MTCL3: variants seen among roughly 807,000 people sequenced by gnomAD.
MTCL3 encodes the protein MTCL family member 3, also known as microtubule cross-linking factor 3.
chr6:127,480,982 T>C, the MTCL3 span, among the ~76,000 whole-genome samples: 11 of 152,168 alleles, frequency 7.2e-5, no homozygotes, highest in African/African-American at 2.7e-4. Context: ...AAAAAGGAAG[T>C]TTTTGTCCAT....
At chr6:127,476,149 T>G in the MTCL3 span, 1 of 1,614,136 alleles carries the variant, frequency 6.2e-7, no homozygotes, top group Non-Finnish European at 8.5e-7. The surrounding 1 kb of genome is among the most constrained non-coding windows in gnomAD (Gnocchi z 4.4). Context: ...GCCGTTGAAG[T>G]CATCGCCCCT....
chr6:127,515,253 C>G, the MTCL3 span, among the ~76,000 whole-genome samples: 1 of 152,146 alleles, frequency 6.6e-6, no homozygotes, highest in South Asian at 2.1e-4. This position sits in a 1 kb window ranked among gnomAD's most constrained non-coding sequence, Gnocchi z 4.3. Flanking sequence ...CTTACTCTAC[C>G]TCTCTCCAGG....
At chr6:127,484,448 T>A in the MTCL3 span, among the ~76,000 whole-genome samples, 1 of 152,136 alleles carries the variant, frequency 6.6e-6, no homozygotes, top group Non-Finnish European at 1.5e-5. Flanking sequence ...ATTTAGGAAG[T>A]AATCAACAAA....
the MTCL3 span, among the ~76,000 whole-genome samples, chr6:127,510,235 T>C: frequency 6.6e-6 from 1 of 152,228 alleles, no homozygotes; most frequent in Non-Finnish European, 1.5e-5. Flanking sequence ...TTTGGTTTTT[T>C]GTAACTCCAA....
At chr6:127,515,638 G>A in the MTCL3 span, 1 of 1,436,784 alleles carries the variant, frequency 7.0e-7, no homozygotes, top group Non-Finnish European at 9.1e-7. The surrounding 1 kb of genome is among the most constrained non-coding windows in gnomAD (Gnocchi z 4.3). Context: ...CCCGCCGCTC[G>A]CGCTGCCCTC....
At chr6:127,497,356 G>T in the MTCL3 span, among the ~76,000 whole-genome samples, 4 of 152,328 alleles carry the variant, frequency 2.6e-5, no homozygotes, top group Middle Eastern at 3.4e-3. Flanking sequence ...TAGGTGACTA[G>T]CTGTGCAATC....
At chr6:127,507,859 A>AAG in the MTCL3 span, among the ~76,000 whole-genome samples, 4 of 136,040 alleles carry the variant, frequency 2.9e-5, no homozygotes, top group Admixed American at 7.3e-5. Flanking sequence ...AAAAAAAAAA[A>AAG]AAAAAAAAAA....
chr6:127,475,332 C>G, the MTCL3 span: 22 of 1,612,284 alleles, frequency 1.4e-5, no homozygotes, highest in East Asian at 4.5e-4. This position sits in a 1 kb window ranked among gnomAD's most constrained non-coding sequence, Gnocchi z 7.3. Flanking sequence ...CGCGGTCGTC[C>G]GCAGACTTGG....
chr6:127,474,046 G>A, the MTCL3 span, among the ~76,000 whole-genome samples: 2 of 151,828 alleles, frequency 1.3e-5, no homozygotes, highest in African/African-American at 4.8e-5. Flanking sequence ...CTGAATTAGT[G>A]TTGCCTTCAA....
chr6:127,492,687 A>AT, the MTCL3 span, among the ~76,000 whole-genome samples: 1 of 151,704 alleles, frequency 6.6e-6, no homozygotes. Flanking sequence ...CACCCGGCTA[A>AT]TTTTTTGTAT....
At chr6:127,483,009 A>G in the MTCL3 span, 1 of 1,544,420 alleles carries the variant, frequency 6.5e-7, no homozygotes, top group Admixed American at 1.9e-5. Flanking sequence ...GAATATATTT[A>G]GTTGGATAAA....
the MTCL3 span, among the ~76,000 whole-genome samples, chr6:127,502,824 TA>T: frequency 8.4e-4 from 128 of 152,338 alleles, 2 homozygotes; most frequent in South Asian, 0.014. Context: ...TATTTTCCTT[TA>T]AAAGGTGATT....
chr6:127,490,130 A>G, the MTCL3 span, among the ~76,000 whole-genome samples: 7 of 152,316 alleles, frequency 4.6e-5, no homozygotes, highest in Non-Finnish European at 1.0e-4. Context: ...TGCTAAACCT[A>G]TTCTGCCTCT....
the MTCL3 span, among the ~76,000 whole-genome samples, chr6:127,516,879 C>T: frequency 2.8e-4 from 43 of 152,148 alleles, no homozygotes; most frequent in Non-Finnish European, 5.6e-4. Flanking sequence ...CCCAGGGTGG[C>T]GCTGTCTCCA....
At chr6:127,511,333 C>CT in the MTCL3 span, among the ~76,000 whole-genome samples, 1 of 152,086 alleles carries the variant, frequency 6.6e-6, no homozygotes, top group South Asian at 2.1e-4. Flanking sequence ...ACCTACTTTA[C>CT]TTTTTTTTCT....
chr6:127,503,825 A>C, the MTCL3 span, among the ~76,000 whole-genome samples: 3 of 152,288 alleles, frequency 2.0e-5, no homozygotes, highest in African/African-American at 7.2e-5. Context: ...TCATGTTTGC[A>C]CTGCACTAAG....
chr6:127,515,303 C>A, the MTCL3 span, among the ~76,000 whole-genome samples: 1 of 152,096 alleles, frequency 6.6e-6, no homozygotes, highest in Non-Finnish European at 1.5e-5. This position sits in a 1 kb window ranked among gnomAD's most constrained non-coding sequence, Gnocchi z 4.3. Flanking sequence ...GAAACGGAGG[C>A]CCAGATTTGA....
At chr6:127,473,009 G>C in the MTCL3 span, 2 of 766,352 alleles carry the variant, frequency 2.6e-6, no homozygotes, top group Non-Finnish European at 3.2e-6. Context: ...TTATCAAGAG[G>C]AGACAAACAG....
the MTCL3 span, among the ~76,000 whole-genome samples, chr6:127,488,232 G>T: frequency 3.9e-5 from 6 of 151,988 alleles, no homozygotes; most frequent in Admixed American, 3.9e-4. Flanking sequence ...GTCTCTTCAG[G>T]GTTCCTAATA....
Sources: gnomAD v4.1 joint callset for allele counts (sites outside exome capture counted in the v4.1 genomes callset) on GRCh38, gnomAD v4.1.1 for gene constraint, Gnocchi (gnomAD v3.1) non-coding constraint, MANE v1.5 for transcripts, NCBI Gene and HGNC (gene_info 2026-07-23, HGNC 2026-07-21) for gene names.